Variants in NSDHL observed in about 807,000 individuals in gnomAD.
NSDHL encodes sterol-4-alpha-carboxylate 3-dehydrogenase, decarboxylating.
A neutral mutation model predicts 23.0 loss-of-function variants in NSDHL; 1 was observed. The ratio of observed to expected loss-of-function variants is 0.04; its 90% CI spans 0.02 to 0.21. The LOEUF is 0.21. Among genes scored for constraint, NSDHL ranks in the 10% least tolerant of loss-of-function variants. NSDHL has a pLI of 1.00. For synonymous variants in NSDHL, 128 were observed against 121.1 expected (o/e 1.06, Z -0.37); for missense variants, 237 against 300.9 (o/e 0.79, Z 1.57).
chrX:152,850,859 G>A (rs193248058), intron 3 of NSDHL, among the ~76,000 whole-genome samples: 6 of 112,254 alleles, frequency 5.3e-5, no homozygotes, highest in Admixed American at 9.4e-5. Context: ...ACAAAGCTGT[G>A]CAACTGTCTC....
chrX:152,834,191 G>A (rs782272376), intron 1 of NSDHL, among the ~76,000 whole-genome samples: 2 of 112,274 alleles, frequency 1.8e-5, no homozygotes, highest in South Asian at 7.4e-4. Flanking sequence ...CCTGGGGAGG[G>A]GGAGGAAGTT....
At chrX:152,867,158 G>A (rs782626665) in intron 6 of NSDHL, among the ~76,000 whole-genome samples, 3 of 111,174 alleles carry the variant, frequency 2.7e-5, no homozygotes, top group Non-Finnish European at 5.7e-5. Flanking sequence ...TTGCCTTCCT[G>A]TTTCTCACTC....
intron 1 of NSDHL, 25 bp from the exon 2 acceptor site, chrX:152,846,257 G>A (rs1031255656): frequency 4.9e-6 from 4 of 816,211 alleles, no homozygotes; most frequent in Admixed American, 2.2e-5. Context: ...CAACATTAAT[G>A]TCTGTCTCTA....
At chrX:152,835,594 C>G (rs1425227685) in intron 1 of NSDHL, among the ~76,000 whole-genome samples, 1 of 109,324 alleles carries the variant, frequency 9.1e-6, no homozygotes, top group Admixed American at 9.8e-5. Flanking sequence ...ATGATAGTTT[C>G]CAGCTTCATC....
At chrX:152,844,014 G>T (rs111881681) in intron 1 of NSDHL, among the ~76,000 whole-genome samples, 1 of 111,762 alleles carries the variant, frequency 8.9e-6, no homozygotes. Context: ...AGCTTATACC[G>T]CATGGCAGCA....
At position 152,869,403 on chromosome X, in the gene NSDHL, T is replaced by C. The variant is rs1933673266; in HGVS notation, c.*287T>C. The stretch of plus-strand genomic sequence containing the variant: ...TGTTTACCCCCTCCCTTGCCCCCTC[T>C]TCTGGTTTATACATTTCATTCCAGT... On this transcript the variant is annotated 3_prime_UTR_variant, in exon 8 of 8. Coordinates refer to ENST00000370274, the MANE Select transcript of NSDHL (RefSeq NM_015922.3). 3 of 364,066 alleles carry C rather than the reference T, an allele frequency of 8.2e-6. No homozygotes were observed. The highest frequency in any genetic ancestry group is 8.5e-5 in the Admixed American group (2 of 23,497). 30.0% of individuals were successfully genotyped at this position (364,066 alleles called of 1,213,427 possible). A position where few individuals can be genotyped will look rare whatever the true frequency, so the allele number is the denominator to read the frequency against.
chrX:152,862,598 A>G lies in NSDHL; in HGVS notation c.417A>G (p.Lys139=). 8.3e-7 allele frequency: 1 copy of G among 1,207,540 alleles called. No homozygotes were observed. The highest frequency in any genetic ancestry group is 1.1e-6 in the Non-Finnish European group (1 of 892,223). ...IETCKEAGVQ[K]LILTSSASVI... is the part of the protein sequence containing the mutation. Reference sequence around the variant, plus strand: ...TTTTTCTGACCTTCCTCTGTCAGAAACTCATTTTAACCAGCAGTGCCAGTG... The same window carrying G: ...TTTTTCTGACCTTCCTCTGTCAGAAGCTCATTTTAACCAGCAGTGCCAGTG... Residue 139 remains lysine, a splice_region_variant and synonymous_variant, in exon 5 of 8, where the codon AAA becomes AAG. Transcript: ENST00000370274.
At chrX:152,834,070 C>T (rs1933055339) in intron 1 of NSDHL, among the ~76,000 whole-genome samples, 1 of 112,555 alleles carries the variant, frequency 8.9e-6, no homozygotes, top group South Asian at 3.6e-4. Flanking sequence ...CACTCAAACC[C>T]ATCTTCCATT....
rs1556848517 is a variant in NSDHL at position 152,868,970 on chromosome X, C to T, written c.976C>T (p.Pro326Ser). ...PVIQLQPTFT[P>S]MRVALAGTFH... ...CATCCAGCTGCAGCCCACCTTCACA[C>T]CCATGCGGGTCGCACTGGCTGGCAC... Residue 326 changes from proline to serine, a missense_variant, in exon 8 of 8, where the codon CCC (proline) becomes TCC (serine). Coordinates refer to ENST00000370274, the MANE Select transcript of NSDHL (RefSeq NM_015922.3). 1.6e-6 allele frequency: 2 copies of T among 1,212,160 alleles called. No individual in the cohort carries two copies. Among genetic ancestry groups the T allele is most frequent in the Non-Finnish European group, 2.2e-6 (2 of 895,575 alleles).
At chrX:152,833,147 A>T (rs1933039377) in intron 1 of NSDHL, among the ~76,000 whole-genome samples, 1 of 110,230 alleles carries the variant, frequency 9.1e-6, no homozygotes, top group Non-Finnish European at 1.9e-5. Flanking sequence ...CACAGTATGT[A>T]ATACATGTAA....
Position 152,850,509 on chromosome X carries a change from T to G in NSDHL, c.267+86T>G. Reference sequence around the variant, plus strand: ...TCCCTTGCTCAGAAGCCAGCCAATTTGTTTGAAAAACAATTGTTTCATTGT... The same window carrying G: ...TCCCTTGCTCAGAAGCCAGCCAATTGGTTTGAAAAACAATTGTTTCATTGT... On this transcript the variant is annotated intron_variant, in intron 3 of 7. Coordinates refer to ENST00000370274, the MANE Select transcript of NSDHL (RefSeq NM_015922.3). The G allele has an allele frequency of 3.1e-6, 3 of 958,725 alleles. No individual in the cohort carries two copies. The South Asian group carries it at 5.8e-5, about 19-fold the overall frequency. 79.0% of individuals were successfully genotyped at this position (958,725 alleles called of 1,213,427 possible).
chrX:152,868,262 C>T (rs782384823), intron 7 of NSDHL, among the ~76,000 whole-genome samples: 6 of 109,547 alleles, frequency 5.5e-5, no homozygotes, highest in Non-Finnish European at 7.6e-5. Context: ...CTGAGCCTCC[C>T]GAGTAGCTGG....
At chrX:152,852,369 G>A (rs781995822) in intron 3 of NSDHL, among the ~76,000 whole-genome samples, 22 of 111,695 alleles carry the variant, frequency 2.0e-4, no homozygotes, top group African/African-American at 3.9e-4. Flanking sequence ...GTGGTCCCAC[G>A]TTAGAATTTC....
intron 1 of NSDHL, among the ~76,000 whole-genome samples, chrX:152,844,367 T>C (rs1349095199): frequency 4.5e-5 from 5 of 112,163 alleles, no homozygotes; most frequent in Admixed American, 3.8e-4. Context: ...TTCTCATGTG[T>C]AGAGGGTGAG....
chrX:152,859,557 T>A lies in NSDHL; in HGVS notation c.414+641T>A, dbSNP rs181401509. ...CCATGTTGTAGCATGTGTCGGAATG[T>A]CCTTCCTTTTTCAGGCAGAACAATA... On this transcript the variant is annotated intron_variant, in intron 4 of 7. Transcript: ENST00000370274. Among the ~76,000 whole-genome samples the A allele has an allele frequency of 3.1e-3, 346 of 112,445 alleles. 7 individuals carry two copies. The highest frequency in any genetic ancestry group is 0.011 in the African/African-American group (335 of 30,979).
intron 1 of NSDHL, among the ~76,000 whole-genome samples, chrX:152,832,999 T>C (rs1933037428): frequency 9.0e-6 from 1 of 111,325 alleles, no homozygotes; most frequent in South Asian, 3.8e-4. Flanking sequence ...ATCTTCCTTC[T>C]CAGCATACTC....
chrX:152,851,151 A>G (rs1933350247), intron 3 of NSDHL, among the ~76,000 whole-genome samples: 1 of 112,248 alleles, frequency 8.9e-6, no homozygotes, highest in Non-Finnish European at 1.9e-5. Flanking sequence ...TGCTATGTCA[A>G]TTTTACCTCC....
intron 1 of NSDHL, among the ~76,000 whole-genome samples, chrX:152,839,089 A>AGG (rs1556844559): frequency 7.2e-5 from 8 of 111,742 alleles, no homozygotes; most frequent in African/African-American, 2.6e-4. Context: ...TGTTGGTTTA[A>AGG]AGTCTGTTTT....
intron 2 of NSDHL, among the ~76,000 whole-genome samples, chrX:152,847,483 G>A (rs1435770739): frequency 8.9e-6 from 1 of 111,736 alleles, no homozygotes; most frequent in South Asian, 3.7e-4. Context: ...TTGAAGCCAC[G>A]TGCCATCTGC....
Sources: allele counts gnomAD v4.1 joint callset (sites outside exome capture counted in the v4.1 genomes callset), GRCh38; gene constraint gnomAD v4.1.1; transcripts MANE v1.5; gene names NCBI Gene and HGNC (gene_info 2026-07-23, HGNC 2026-07-21).